FAAP24: variants seen among roughly 807,000 people sequenced by gnomAD.
FAAP24 encodes Fanconi anemia core complex-associated protein 24.
In FAAP24, 16 loss-of-function variants were observed where a neutral mutation model predicts 14.3. The observed-to-expected ratio is 1.12, with a 90% CI of 0.76 to 1.69. FAAP24 has a LOEUF of 1.69. FAAP24 is among the 40% of genes most tolerant of loss of function. FAAP24 has a pLI of 0.00. For missense variants in FAAP24, 234 were observed against 262.7 expected, an observed-to-expected ratio of 0.89 and a Z score of 0.75; for synonymous variants, 111 against 106.2, an observed-to-expected ratio of 1.04 and a Z score of -0.28.
In FAAP24 at chr19:32,977,306, T is replaced by G. The variant is rs896075938; in HGVS notation, c.*624T>G. On this transcript the variant is annotated 3_prime_UTR_variant, in exon 5 of 5. Coordinates refer to ENST00000588258, the MANE Select transcript of FAAP24 (RefSeq NM_152266.5). ...TTAATGTGCGACCTTGACCTGCATC[T>G]GTCATGGAAAGTGCCTTCTAAAAAG... 2.8e-5 allele frequency: 11 copies of G among 398,626 alleles called. No homozygotes were observed. Among genetic ancestry groups the G allele is most frequent in the Non-Finnish European group, 4.4e-5 (10 of 226,198 alleles). The allele number at this position is 398,626 out of a possible 1,614,324, so 24.7% of individuals were successfully genotyped here. A position where few individuals can be genotyped will look rare whatever the true frequency, so the allele number is the denominator to read the frequency against.
intron 4 of FAAP24, among the ~76,000 whole-genome samples, chr19:32,975,432 A>C (rs1224406122): frequency 1.3e-5 from 2 of 151,218 alleles, no homozygotes. Flanking sequence ...CAGCCTCCCA[A>C]AGTTCTGGGC....
At position 32,973,167 on chromosome 19, in the gene FAAP24, G is replaced by C. The variant is rs781201147; in HGVS notation, c.-13-17G>C. On this transcript the variant is annotated splice_polypyrimidine_tract_variant and intron_variant, in intron 1 of 4. Transcript: ENST00000588258. Reference sequence around the variant, plus strand: ...AGGAGAGCCTGCTCAAGTGCCGCCTGGCTTTTCCCTCCTTAGGTGGAGACC... The same window carrying C: ...AGGAGAGCCTGCTCAAGTGCCGCCTCGCTTTTCCCTCCTTAGGTGGAGACC... 9.3e-6 allele frequency: 15 copies of C among 1,604,966 alleles called. No homozygotes were observed. The highest frequency in any genetic ancestry group is 1.3e-5 in the Non-Finnish European group (15 of 1,173,994).
rs1599795167 is a variant in FAAP24 at position 32,972,266 on chromosome 19, A to G, written c.-94A>G. 2 of 456,228 alleles carry G rather than the reference A, an allele frequency of 4.4e-6. No individual in the cohort carries two copies. Among genetic ancestry groups the G allele is most frequent in the East Asian group, 6.3e-5 (2 of 31,900 alleles). 28.3% of individuals were successfully genotyped at this position (456,228 alleles called of 1,614,324 possible). A position where few individuals can be genotyped will look rare whatever the true frequency, so the allele number is the denominator to read the frequency against. On this transcript the variant is annotated 5_prime_UTR_variant, in exon 1 of 5. Transcript: ENST00000588258. ...CGTGAACCCGGAAGGTGGCGCGGCCACCAGTAACATGATCTCTAGACTGGG... is the reference window on the plus strand; with the variant it reads ...CGTGAACCCGGAAGGTGGCGCGGCCGCCAGTAACATGATCTCTAGACTGGG...
intron 4 of FAAP24, among the ~76,000 whole-genome samples, 156 bp downstream of exon 4, chr19:32,974,368 G>A (rs945967407): frequency 2.0e-5 from 3 of 152,236 alleles, no homozygotes; most frequent in Non-Finnish European, 2.9e-5. Flanking sequence ...TCTGCAGCCA[G>A]CTCAGCTTGT....
chr19:32,972,710 CTTTTCTT>C lies in FAAP24; in HGVS notation c.-14+369_-14+375del, dbSNP rs568492610. 2.2e-3 allele frequency among the ~76,000 whole-genome samples: 277 copies of C among 128,584 alleles called. 8 individuals are homozygous for C. Among genetic ancestry groups the C allele is most frequent in the East Asian group, 0.02 (84 of 4,256 alleles). The allele number at this position is 128,584 out of a possible 152,430, so 84.4% of individuals were successfully genotyped here. A position where few individuals can be genotyped will look rare whatever the true frequency, so the allele number is the denominator to read the frequency against. Reference sequence around the variant, plus strand: ...ATTCAGGCCTTTGTGTTTTCTTTTTCTTTTCTTTTTTTTTTTTTTTTTTGAGACGAGT... The same window carrying C: ...ATTCAGGCCTTTGTGTTTTCTTTTTCTTTTTTTTTTTTTTTTGAGACGAGT... On this transcript the variant is annotated intron_variant, in intron 1 of 4. Transcript: ENST00000588258.
chr19:32,972,691 G>T (rs896526687), intron 1 of FAAP24, among the ~76,000 whole-genome samples: 2 of 149,158 alleles, frequency 1.3e-5, no homozygotes, highest in African/African-American at 5.0e-5. Flanking sequence ...CTTCATTCAG[G>T]CCTTTGTGTT....
intron 1 of FAAP24, 101 bp from the exon 2 acceptor site, chr19:32,973,083 T>C (rs2145988547): frequency 2.5e-6 from 2 of 803,470 alleles, no homozygotes; most frequent in Non-Finnish European, 4.1e-6. Flanking sequence ...ATAATTCAGT[T>C]TGCAGAGGGG....
chr19:32,973,472 T>G lies in FAAP24; in HGVS notation c.153T>G (p.Tyr51Ter), dbSNP rs1415497806. The G allele has an allele frequency of 1.2e-6, 2 of 1,614,148 alleles. No individual in the cohort carries two copies. Among genetic ancestry groups the G allele is most frequent in the Non-Finnish European group, 1.7e-6 (2 of 1,180,058 alleles). Residue 51 changes from tyrosine to a stop codon, truncating the protein, a stop_gained, in exon 3 of 5, where the codon TAT (tyrosine) becomes TAG (stop). Coordinates refer to ENST00000588258, the MANE Select transcript of FAAP24 (RefSeq NM_152266.5). LOFTEE classifies it high-confidence loss of function. ...IFEDGLTPDFYLSNRCCILYV... is the reference protein window; with the variant it reads ...IFEDGLTPDF ...AGGATGGCTTGACACCAGACTTTTA[T>G]CTGTCGAACAGATGCTGCATTCTTT...
rs1971532119 is a variant in FAAP24 at position 32,977,176 on chromosome 19, G to A, written c.*494G>A. On this transcript the variant is annotated 3_prime_UTR_variant, in exon 5 of 5. Transcript: ENST00000588258. ...CTGAGTTCAGCTTGTGAAGTTAGTGGGCCGCAGAGGGCACTGCCTTCATTC... is the reference window on the plus strand; with the variant it reads ...CTGAGTTCAGCTTGTGAAGTTAGTGAGCCGCAGAGGGCACTGCCTTCATTC... 1 of 400,908 alleles carries A rather than the reference G, an allele frequency of 2.5e-6. No homozygotes were observed. Among genetic ancestry groups the A allele is most frequent in the African/African-American group, 2.1e-5 (1 of 48,630 alleles). The allele number at this position is 400,908 out of a possible 1,614,324, so 24.8% of individuals were successfully genotyped here. A position where few individuals can be genotyped will look rare whatever the true frequency, so the allele number is the denominator to read the frequency against.
chr19:32,973,752 G>A (rs1971478788), intron 3 of FAAP24, among the ~76,000 whole-genome samples, 190 bp downstream of exon 3: 1 of 152,214 alleles, frequency 6.6e-6, no homozygotes, highest in African/African-American at 2.4e-5. Flanking sequence ...CTACTAGGGA[G>A]GCTGAGACGG....
At chr19:32,972,386 T>C in intron 1 of FAAP24, 40 bp downstream of exon 1, 1 of 401,698 alleles carries the variant, frequency 2.5e-6, no homozygotes, top group Non-Finnish European at 4.4e-6. Context: ...AGGCACGTGA[T>C]GAAAATGAAG....
Position 32,974,080 on chromosome 19 carries a change from T to C in FAAP24, c.264T>C (p.Ile88=). 1 of 1,614,018 alleles carries C rather than the reference T, an allele frequency of 6.2e-7. No individual in the cohort carries two copies. Among genetic ancestry groups the C allele is most frequent in the Non-Finnish European group, 8.5e-7 (1 of 1,179,994 alleles). Reference sequence around the variant, plus strand: ...TCAAGTCCAATAATCTTAAAGGAATTGTAGTCGTTGAAAAAACCCGGATGA... The same window carrying C: ...TCAAGTCCAATAATCTTAAAGGAATCGTAGTCGTTGAAAAAACCCGGATGA... ...RVRNSNNLKG[I]VVVEKTRMSE... The change falls in exon 4 of 5, where the codon ATT becomes ATC. Residue 88 remains isoleucine (I), a synonymous_variant. Transcript: ENST00000588258.
In FAAP24 at chr19:32,976,998, G is replaced by A. The variant is rs1971528447; in HGVS notation, c.*316G>A. 2 of 425,632 alleles carry A rather than the reference G, an allele frequency of 4.7e-6. No individual in the cohort carries two copies. Among genetic ancestry groups the A allele is most frequent in the Non-Finnish European group, 4.1e-6 (1 of 242,310 alleles). The allele number at this position is 425,632 out of a possible 1,614,324, so 26.4% of individuals were successfully genotyped here. A position where few individuals can be genotyped will look rare whatever the true frequency, so the allele number is the denominator to read the frequency against. On this transcript the variant is annotated 3_prime_UTR_variant, in exon 5 of 5. Coordinates refer to ENST00000588258, the MANE Select transcript of FAAP24 (RefSeq NM_152266.5). The stretch of plus-strand genomic sequence containing the variant: ...GGAGGTTGCAGTGAGCTGAGATCGT[G>A]CCACTGCACTCCAGCCTGGGCACCA...
Position 32,973,246 on chromosome 19 carries a change from G to A in FAAP24, c.50G>A (p.Gly17Glu), listed in dbSNP as rs368480238. The change falls in exon 2 of 5, where the codon GGG becomes GAG. Residue 17 changes from glycine to glutamate, a missense_variant. Coordinates refer to ENST00000588258, the MANE Select transcript of FAAP24 (RefSeq NM_152266.5). The part of the protein sequence containing the change: ...DDTGPVHVPL[G>E]HIVANEKWRG... ...ACGGGCCCCGTGCACGTGCCTTTGG[G>A]GCATATTGTGGCCAATGAGAAATGG... is the stretch of plus-strand genomic sequence containing the variant. 12 of 1,613,936 alleles carry A rather than the reference G, an allele frequency of 7.4e-6. No individual in the cohort carries two copies. In the Middle Eastern group the frequency reaches 4.9e-4, roughly 66 times the overall value.
chr19:32,972,715 C>CTTTTTTTTTTTTTTTT (rs56020597), intron 1 of FAAP24, among the ~76,000 whole-genome samples: 4 of 100,746 alleles, frequency 4.0e-5, no homozygotes, highest in African/African-American at 1.5e-4. Flanking sequence ...TTTTTCTTTT[C>CTTTTTTTTTTTTTTTT]TTTTTTTTTT....
Position 32,972,279 on chromosome 19 carries a change from T to A in FAAP24, c.-81T>A. On this transcript the variant is annotated 5_prime_UTR_variant, in exon 1 of 5. Transcript: ENST00000588258. ...GGTGGCGCGGCCACCAGTAACATGA[T>A]CTCTAGACTGGGACGGTGGGGTTCC... The A allele has an allele frequency of 2.3e-6, 1 of 441,862 alleles. No individual in the cohort carries two copies. 27.4% of individuals were successfully genotyped at this position (441,862 alleles called of 1,614,324 possible).
In FAAP24 at chr19:32,973,265, G is replaced by A. The variant is rs1971464936; in HGVS notation, c.69G>A (p.Glu23=). Reference sequence around the variant, plus strand: ...CTTTGGGGCATATTGTGGCCAATGAGAAATGGCGCGGGTCACAGCTGGCGC... The same window carrying A: ...CTTTGGGGCATATTGTGGCCAATGAAAAATGGCGCGGGTCACAGCTGGCGC... ...HVPLGHIVAN[E]KWRGSQLAQE... The change falls in exon 2 of 5, where the codon GAG becomes GAA. Residue 23 remains glutamate (E), a synonymous_variant. Coordinates refer to ENST00000588258, the MANE Select transcript of FAAP24 (RefSeq NM_152266.5). 3 of 1,613,994 alleles carry A rather than the reference G, an allele frequency of 1.9e-6. No individual in the cohort carries two copies.
rs1971465442 is a variant in FAAP24, at chr19:32,973,279, C to T, written c.83C>T (p.Ser28Leu). The change falls in exon 2 of 5, where the codon TCA (serine) becomes TTA (leucine). Residue 28 changes from serine to leucine, a missense_variant. Ser to Leu is a moderately radical substitution (Grantham distance 145, BLOSUM62 -2). Transcript: ENST00000588258. The stretch of plus-strand genomic sequence containing the variant: ...GTGGCCAATGAGAAATGGCGCGGGT[C>T]ACAGCTGGCGCAGGAGATGCAAGGT... ...HIVANEKWRG[S>L]QLAQEMQGKI... The T allele has an allele frequency of 1.2e-6, 2 of 1,613,914 alleles. No homozygotes were observed. The highest frequency in any genetic ancestry group is 1.3e-5 in the African/African-American group (1 of 74,882).
At position 32,973,209 on chromosome 19, in the gene FAAP24, C is replaced by G; in HGVS notation, c.13C>G (p.Pro5Ala). ...GTGGAGACCATCCATGGAAAAGAAC[C>G]CCCCTGATGATACGGGCCCCGTGCA... Reference protein sequence around the residue: MEKNPPDDTGPVHVP... With the variant: MEKNAPDDTGPVHVP... Residue 5 changes from proline (P) to alanine (A), a missense_variant, in exon 2 of 5, where the codon CCC becomes GCC. Coordinates refer to ENST00000588258, the MANE Select transcript of FAAP24 (RefSeq NM_152266.5). 6.8e-6 allele frequency: 11 copies of G among 1,613,268 alleles called. No individual in the cohort carries two copies. Among genetic ancestry groups the G allele is most frequent in the Non-Finnish European group, 8.5e-6 (10 of 1,179,988 alleles).
Sources: gnomAD v4.1 joint callset for allele counts (sites outside exome capture counted in the v4.1 genomes callset) on GRCh38, gnomAD v4.1.1 for gene constraint, MANE v1.5 for transcripts, NCBI Gene and HGNC (gene_info 2026-07-23, HGNC 2026-07-21) for gene names.